Variants in C8orf34 observed in about 807,000 individuals in gnomAD.
C8orf34 encodes chromosome 8 open reading frame 34, also known as uncharacterized protein C8orf34.
A neutral mutation model predicts 68.3 loss-of-function variants in C8orf34; 65 were observed. The ratio of observed to expected loss-of-function variants is 0.95; its 90% confidence interval spans 0.78 to 1.17. The LOEUF is 1.17. Ranked by LOEUF, C8orf34 falls within the 50% of genes most tolerant of loss-of-function variation. The probability of loss-of-function intolerance (pLI) is 0.00; values close to 1 mark genes in which losing one functional copy is unlikely to be tolerated. For synonymous variants in C8orf34, 244 were observed against 241.2 expected (o/e 1.01, Z -0.11); for missense variants, 664 against 655.4 (o/e 1.01, Z -0.14).
chr8:68,493,086 A>G (rs971182646), intron 5 of C8orf34, among the ~76,000 whole-genome samples: 5 of 152,222 alleles, frequency 3.3e-5, no homozygotes, highest in African/African-American at 1.2e-4. Flanking sequence ...CAAGAAGTAT[A>G]TGGGAAAGTA....
intron 10 of C8orf34, among the ~76,000 whole-genome samples, chr8:68,749,391 A>G (rs1024650093): frequency 2.0e-5 from 3 of 152,030 alleles, no homozygotes; most frequent in African/African-American, 4.8e-5. Context: ...ATATAATAAT[A>G]AAAAAAAGAC....
intron 7 of C8orf34, among the ~76,000 whole-genome samples, chr8:68,615,265 AT>A (rs1818168109): frequency 6.7e-6 from 1 of 149,722 alleles, no homozygotes; most frequent in Admixed American, 6.7e-5. Context: ...TCTTTTCCTA[AT>A]TGAATACCCT....
At chr8:68,580,546 A>G (rs1235511693) in intron 7 of C8orf34, among the ~76,000 whole-genome samples, 1 of 152,226 alleles carries the variant, frequency 6.6e-6, no homozygotes, top group East Asian at 1.9e-4. Context: ...CCAAGTCCAA[A>G]GTGTGTTCTA....
At chr8:68,483,823 T>C (rs1214109106) in intron 4 of C8orf34, among the ~76,000 whole-genome samples, 1 of 152,204 alleles carries the variant, frequency 6.6e-6, no homozygotes, top group African/African-American at 2.4e-5. Context: ...ACCTCTGACA[T>C]GCCTGTGGGA....
chr8:68,742,723 C>A (rs776003919), intron 10 of C8orf34, among the ~76,000 whole-genome samples: 4 of 151,448 alleles, frequency 2.6e-5, no homozygotes, highest in Non-Finnish European at 5.9e-5. Context: ...CTTTCACCAA[C>A]ATCTTAGAAA....
intron 7 of C8orf34, among the ~76,000 whole-genome samples, chr8:68,618,763 A>G (rs1818303521): frequency 6.6e-6 from 1 of 152,204 alleles, no homozygotes; most frequent in Non-Finnish European, 1.5e-5. Context: ...TTCTCAAACT[A>G]GTGAGAGTTC....
rs575952378 is a variant in C8orf34 at position 68,570,888 on chromosome 8, T to C, written c.1105+37739T>C. The stretch of plus-strand genomic sequence containing the variant: ...ATTGGAAATCATAGTGTAATACTTA[T>C]ACAAATGGTCTAAAGTACAAATAAG... On this transcript the variant is annotated intron_variant, in intron 7 of 13. Coordinates refer to ENST00000518698, the MANE Select transcript of C8orf34 (RefSeq NM_052958.4). Among the ~76,000 whole-genome samples the C allele has an allele frequency of 3.9e-5, 6 of 152,320 alleles. No individual in the cohort carries two copies. The South Asian group carries it at 1.2e-3, about 32-fold the overall frequency.
At chr8:68,354,742 A>G (rs1045836788) in intron 1 of C8orf34, among the ~76,000 whole-genome samples, 2 of 152,114 alleles carry the variant, frequency 1.3e-5, no homozygotes, top group African/African-American at 4.8e-5. Flanking sequence ...TCTGCGGACA[A>G]AAGATATTTG....
chr8:68,463,165 C>T (rs1371991325), intron 3 of C8orf34, among the ~76,000 whole-genome samples: 4 of 151,716 alleles, frequency 2.6e-5, no homozygotes, highest in African/African-American at 9.7e-5. Context: ...ACAAACACCT[C>T]TGCGCAAATA....
intron 8 of C8orf34, among the ~76,000 whole-genome samples, chr8:68,647,051 G>T (rs2130762706): frequency 6.6e-6 from 1 of 152,120 alleles, no homozygotes; most frequent in East Asian, 1.9e-4. Context: ...CTCTGATAGG[G>T]GGCTAATATC....
intron 7 of C8orf34, among the ~76,000 whole-genome samples, chr8:68,570,042 C>G: frequency 6.6e-6 from 1 of 152,284 alleles, no homozygotes; most frequent in East Asian, 1.9e-4. Flanking sequence ...CTTTTTCATG[C>G]TCTTATATTC....
At chr8:68,718,686 A>G (rs1449660580) in intron 9 of C8orf34, among the ~76,000 whole-genome samples, 2 of 152,184 alleles carry the variant, frequency 1.3e-5, no homozygotes, top group East Asian at 1.9e-4. Context: ...ATAACTGTGC[A>G]TAAAAAAGTC....
At chr8:68,590,128 AAAGG>A (rs1817342824) in intron 7 of C8orf34, among the ~76,000 whole-genome samples, 1 of 149,182 alleles carries the variant, frequency 6.7e-6, no homozygotes, top group African/African-American at 2.5e-5. Flanking sequence ...AAAGGAAGAG[AAAGG>A]AAGGAAGGAA....
chr8:68,620,929 G>A (rs1157795529), intron 7 of C8orf34, among the ~76,000 whole-genome samples: 3 of 152,082 alleles, frequency 2.0e-5, no homozygotes, highest in Non-Finnish European at 4.4e-5. Context: ...TTGTAAATAA[G>A]TCAAGCCTCC....
At chr8:68,694,650 G>A (rs1335822875) in intron 8 of C8orf34, among the ~76,000 whole-genome samples, 3 of 151,932 alleles carry the variant, frequency 2.0e-5, no homozygotes, top group South Asian at 4.1e-4. Flanking sequence ...TCATAAATGA[G>A]ATATATTATG....
chr8:68,716,815 T>C (rs1400029923), intron 9 of C8orf34, among the ~76,000 whole-genome samples: 1 of 152,058 alleles, frequency 6.6e-6, no homozygotes, highest in Admixed American at 6.5e-5. Flanking sequence ...GCATGAAATA[T>C]GAACAACCCT....
At chr8:68,340,955 A>T (rs1335104035) in intron 1 of C8orf34, among the ~76,000 whole-genome samples, 1 of 152,248 alleles carries the variant, frequency 6.6e-6, no homozygotes, top group Non-Finnish European at 1.5e-5. Flanking sequence ...AAACTTATGC[A>T]CTATGACCAA....
chr8:68,461,870 G>A (rs1456880349), intron 3 of C8orf34, among the ~76,000 whole-genome samples: 1 of 152,188 alleles, frequency 6.6e-6, no homozygotes, highest in East Asian at 1.9e-4. Context: ...AGGCTAGGAA[G>A]AAACTGCATC....
intron 1 of C8orf34, among the ~76,000 whole-genome samples, chr8:68,331,923 T>A (rs1388684214): frequency 6.8e-6 from 1 of 147,584 alleles, no homozygotes; most frequent in African/African-American, 2.5e-5. Context: ...GGTGCGGGCG[T>A]GATGAATGAA....
Sources: allele counts gnomAD v4.1 joint callset (sites outside exome capture counted in the v4.1 genomes callset), GRCh38; gene constraint gnomAD v4.1.1; transcripts MANE v1.5; gene names NCBI Gene and HGNC (gene_info 2026-07-23, HGNC 2026-07-21).